The following ATAD1 variants were observed in gnomAD, a reference collection of about 807,000 sequenced individuals.
ATAD1 encodes the protein ATPase family AAA domain containing 1.
A neutral mutation model predicts 42.7 loss-of-function variants in ATAD1; 18 were observed. The ratio of observed to expected loss-of-function variants is 0.42; its 90% CI spans 0.29 to 0.63. ATAD1 has a LOEUF of 0.63. Ranked by LOEUF, ATAD1 falls within the 20% of genes least tolerant of loss-of-function variation. The pLI, the probability that ATAD1 is intolerant of heterozygous loss-of-function variation, is 0.19. For synonymous variants in ATAD1, 132 were observed against 143.1 expected, an observed-to-expected ratio of 0.92 and a Z score of 0.55; for missense variants, 294 against 440.4, an observed-to-expected ratio of 0.67 and a Z score of 2.98.
intron 2 of ATAD1, among the ~76,000 whole-genome samples, chr10:87,807,648 T>C (rs1856986996): frequency 6.6e-6 from 1 of 152,182 alleles, no homozygotes; most frequent in African/African-American, 2.4e-5. Flanking sequence ...TTCTTACTGA[T>C]TCAGATGCAT....
In ATAD1 at chr10:87,839,555, C is replaced by G. The variant is rs78164229; in HGVS notation, c.-14+1632G>C. On this transcript the variant is annotated intron_variant, in intron 1 of 4. Coordinates refer to the ATAD1 transcript ENST00000495903. ...TAATTCTTGACCATCAAGAGAAGGA[C>G]AAGTCCTTATAATTGGAGTGGAACT... Among the ~76,000 whole-genome samples the G allele has an allele frequency of 2.9e-3, 442 of 152,298 alleles. 4 individuals carry two copies. Among genetic ancestry groups the G allele is most frequent in the Middle Eastern group, 0.014 (4 of 294 alleles).
chr10:87,816,463 A>G lies in ATAD1; in HGVS notation c.-14+1704T>C, dbSNP rs564315068. Among the ~76,000 whole-genome samples the G allele has an allele frequency of 3.9e-5, 6 of 152,328 alleles. No individual in the cohort carries two copies. The South Asian group carries it at 1.2e-3, about 32-fold the overall frequency. ...AAATGATTTAATTCATTCAATTTGC[A>G]TTTACTGAACATCTATATATGACGC... On this transcript the variant is annotated intron_variant, in intron 1 of 9. Transcript: ENST00000680024.
chr10:87,756,789 C>T lies in ATAD1; in HGVS notation c.965G>A (p.Ser322Asn). 1 of 1,595,036 alleles carries T rather than the reference C, an allele frequency of 6.3e-7. No individual in the cohort carries two copies. The highest frequency in any genetic ancestry group is 8.5e-7 in the Non-Finnish European group (1 of 1,172,914). ...REYVNSTSEE[S>N]HDEDEIRPVQ... is the part of the protein sequence containing the mutation. ...TAAAAATCAAGTCAAAATAACATAC[C>T]TTTCTTCTGATGTAGAATTAACATA... Residue 322 changes from serine (S) to asparagine (N), a missense_variant and splice_region_variant, in exon 9 of 10, where the codon AGC becomes AAC. Around this residue, in one of 3 missense-constraint regions of ATAD1, gnomAD observed 142 missense variants for 174.6 expected, o/e 0.81. Transcript: ENST00000680024.
chr10:87,819,492 T>C (rs369756816), upstream of ATAD1, among the ~76,000 whole-genome samples: 1 of 152,224 alleles, frequency 6.6e-6, no homozygotes, highest in African/African-American at 2.4e-5. Context: ...ATGTTACTAG[T>C]TACAAACTTG....
chr10:87,791,351 T>C (rs1383847556), intron 3 of ATAD1, among the ~76,000 whole-genome samples: 2 of 152,020 alleles, frequency 1.3e-5, no homozygotes, highest in African/African-American at 4.8e-5. Flanking sequence ...TGAAAGGAGC[T>C]GGAGTTGGGG....
At chr10:87,808,451 T>C (rs1018465626) in intron 2 of ATAD1, among the ~76,000 whole-genome samples, 1 of 152,158 alleles carries the variant, frequency 6.6e-6, no homozygotes, top group Non-Finnish European at 1.5e-5. Context: ...ATGCATTTTA[T>C]CAAGTTAAAG....
intron 2 of ATAD1, among the ~76,000 whole-genome samples, chr10:87,800,739 T>C (rs1436799091): frequency 6.6e-6 from 1 of 152,136 alleles, no homozygotes; most frequent in Non-Finnish European, 1.5e-5. Flanking sequence ...TACTAAATCA[T>C]AAACACTGAC....
At chr10:87,768,916 T>TA (rs939557923) in intron 7 of ATAD1, among the ~76,000 whole-genome samples, 14 of 152,118 alleles carry the variant, frequency 9.2e-5, no homozygotes, top group African/African-American at 3.1e-4. Context: ...GACCCGTCTG[T>TA]AAAAAAATTC....
At chr10:87,762,763 A>G (rs1270741243) in intron 8 of ATAD1, among the ~76,000 whole-genome samples, 1 of 151,344 alleles carries the variant, frequency 6.6e-6, no homozygotes, top group Non-Finnish European at 1.5e-5. Context: ...TTTTGAAAGC[A>G]GTTATCAAAA....
rs201608843 is a variant in ATAD1, at chr10:87,775,148, C to CAGTG, written c.690+1169_690+1172dup. Among the ~76,000 whole-genome samples the CAGTG allele has an allele frequency of 6.7e-3, 1,023 of 151,962 alleles. 29 individuals are homozygous for CAGTG. Among genetic ancestry groups the CAGTG allele is most frequent in the Admixed American group, 0.048 (734 of 15,258 alleles). Reference sequence around the variant, plus strand: ...AGGAAATACTAAAGTTGGCTGGGCGCAGTGGTTCATGCCTATAATCCCAGC... The same window carrying CAGTG: ...AGGAAATACTAAAGTTGGCTGGGCGCAGTGAGTGGTTCATGCCTATAATCCCAGC... On this transcript the variant is annotated intron_variant, in intron 6 of 9. Transcript: ENST00000680024.
Position 87,756,771 on chromosome 10 carries a change from CA to C in ATAD1, c.965+17del, listed in dbSNP as rs1388472560. On this transcript the variant is annotated intron_variant, in intron 9 of 9. Coordinates refer to ENST00000680024, the MANE Select transcript of ATAD1 (RefSeq NM_001321967.2). ...AAAGATTTTGACAAGTGTTAAAAAT[CA>C]AGTCAAAATAACATACCTTTCTTCT... The C allele has an allele frequency of 1.9e-6, 3 of 1,561,078 alleles. No homozygotes were observed. The highest frequency in any genetic ancestry group is 1.7e-6 in the Non-Finnish European group (2 of 1,157,808).
intron 1 of ATAD1, among the ~76,000 whole-genome samples, chr10:87,828,634 A>G (rs907846341): frequency 6.6e-6 from 1 of 152,258 alleles, no homozygotes; most frequent in Non-Finnish European, 1.5e-5. Flanking sequence ...CACTAAACAC[A>G]GATTTTCAAT....
At chr10:87,767,910 T>C (rs1854840496) in intron 7 of ATAD1, among the ~76,000 whole-genome samples, 187 bp from the exon 8 acceptor site, 1 of 152,188 alleles carries the variant, frequency 6.6e-6, no homozygotes, top group Non-Finnish European at 1.5e-5. Context: ...GTTCTCCTAC[T>C]GAACTGTATC....
chr10:87,766,764 T>C (rs867131928), intron 8 of ATAD1, among the ~76,000 whole-genome samples: 2 of 151,510 alleles, frequency 1.3e-5, no homozygotes, highest in South Asian at 4.2e-4. Context: ...TGAGCCGAGA[T>C]CGTGCCACTG....
intron 2 of ATAD1, among the ~76,000 whole-genome samples, chr10:87,796,131 A>T (rs1229849268): frequency 6.6e-6 from 1 of 152,206 alleles, no homozygotes; most frequent in Non-Finnish European, 1.5e-5. Flanking sequence ...TCTTCTACAC[A>T]TGTGGAAACA....
chr10:87,808,736 G>T (rs774273006), intron 2 of ATAD1, among the ~76,000 whole-genome samples: 4 of 152,100 alleles, frequency 2.6e-5, no homozygotes, highest in Non-Finnish European at 2.9e-5. Flanking sequence ...TCCCTTAAAT[G>T]AAGCCAGGCT....
chr10:87,806,688 T>C (rs1474943715), intron 2 of ATAD1, among the ~76,000 whole-genome samples: 2 of 152,190 alleles, frequency 1.3e-5, no homozygotes, highest in Non-Finnish European at 2.9e-5. Flanking sequence ...TGCTCTGGCA[T>C]GTGCAGACCA....
intron 1 of ATAD1, among the ~76,000 whole-genome samples, chr10:87,836,961 T>C (rs566935499): frequency 1.3e-5 from 2 of 152,374 alleles, no homozygotes; most frequent in South Asian, 4.1e-4. Context: ...ATTCTGTAAT[T>C]GAACCTATAC....
At chr10:87,796,712 A>G (rs1363565206) in intron 2 of ATAD1, among the ~76,000 whole-genome samples, 1 of 152,174 alleles carries the variant, frequency 6.6e-6, no homozygotes, top group Non-Finnish European at 1.5e-5. Flanking sequence ...GTGACCATGA[A>G]GGGATTCTGA....
Sources: allele counts gnomAD v4.1 joint callset (sites outside exome capture counted in the v4.1 genomes callset), GRCh38; gene constraint gnomAD v4.1.1; regional missense constraint gnomAD v4.1.1; transcripts MANE v1.5; gene names NCBI Gene and HGNC (gene_info 2026-07-23, HGNC 2026-07-21).